Variants in SLC7A9 observed in about 807,000 individuals in gnomAD.
SLC7A9 encodes the protein solute carrier family 7 member 9.
A neutral mutation model predicts 54.1 loss-of-function variants in SLC7A9; 38 were observed. The observed-to-expected ratio is 0.70, with a 90% CI of 0.54 to 0.92. The LOEUF (loss-of-function observed/expected upper bound fraction) is 0.92. SLC7A9 is among the 40% of genes least tolerant of loss of function. SLC7A9 has a pLI of 0.00. For synonymous variants in SLC7A9, 264 were observed against 258.9 expected (o/e 1.02, Z -0.19); for missense variants, 537 against 636.1 (o/e 0.84, Z 1.68).
Position 32,843,388 on chromosome 19 carries a change from C to T in SLC7A9, c.1074+467G>A, listed in dbSNP as rs568714876. On this transcript the variant is annotated intron_variant, in intron 10 of 12. Transcript: ENST00000023064. Reference sequence around the variant, plus strand: ...AGGAGAATCATTTGAACCTGGGAGGCGGAGGATGCAGTGAGCCAAGATCAT... The same window carrying T: ...AGGAGAATCATTTGAACCTGGGAGGTGGAGGATGCAGTGAGCCAAGATCAT... 7.9e-5 allele frequency among the ~76,000 whole-genome samples: 12 copies of T among 152,114 alleles called. No individual in the cohort carries two copies. In the East Asian group the frequency reaches 9.7e-4, roughly 12 times the overall value.
rs1356571584 is a variant in SLC7A9 at position 32,864,696 on chromosome 19, G to A, written c.168C>T (p.Leu56=). ...AGGGCCCCACAGCTTCCGTGTTGCT[G>A]AGCACAGACTTGGGGGAAACGAAGA... ...SGIFVSPKSV[L]SNTEAVGPCL... Residue 56 remains leucine (L), a synonymous_variant, in exon 3 of 13, where the codon CTC becomes CTT. Coordinates refer to ENST00000023064, the MANE Select transcript of SLC7A9 (RefSeq NM_014270.5). 1 of 1,614,058 alleles carries A rather than the reference G, an allele frequency of 6.2e-7. No homozygotes were observed. Among genetic ancestry groups the A allele is most frequent in the Non-Finnish European group, 8.5e-7 (1 of 1,180,052 alleles).
intron 2 of SLC7A9, among the ~76,000 whole-genome samples, chr19:32,865,292 T>G (rs1968935146): frequency 6.6e-6 from 1 of 152,146 alleles, no homozygotes; most frequent in South Asian, 2.1e-4. Flanking sequence ...GCCATTTTCT[T>G]TTATCTTATT....
chr19:32,844,644 A>G (rs1968227628), intron 9 of SLC7A9, among the ~76,000 whole-genome samples: 1 of 152,162 alleles, frequency 6.6e-6, no homozygotes, highest in African/African-American at 2.4e-5. Flanking sequence ...AGTCTGGCCA[A>G]CGTGGTGAAA....
intron 3 of SLC7A9, 51 bp downstream of exon 3, chr19:32,864,578 G>T: frequency 6.2e-7 from 1 of 1,604,784 alleles, no homozygotes; most frequent in Non-Finnish European, 8.5e-7. Flanking sequence ...CAGCTGCCTG[G>T]CGTGCCCCTG....
At chr19:32,847,507 A>G (rs1288696535) in intron 9 of SLC7A9, among the ~76,000 whole-genome samples, 2 of 152,170 alleles carry the variant, frequency 1.3e-5, no homozygotes, top group Non-Finnish European at 2.9e-5. Context: ...AAAGAAATGA[A>G]CAAAGCCTCC....
intron 4 of SLC7A9, 188 bp from the exon 5 acceptor site, chr19:32,862,774 C>G (rs988596589): frequency 2.3e-6 from 1 of 431,962 alleles, no homozygotes; most frequent in South Asian, 4.1e-5. Context: ...CCGGTTCAAG[C>G]AATTCTCCTG....
At chr19:32,850,025 C>T (rs1415975018) in intron 9 of SLC7A9, among the ~76,000 whole-genome samples, 17 of 151,364 alleles carry the variant, frequency 1.1e-4, no homozygotes, top group South Asian at 8.4e-4. Flanking sequence ...ATTGATGGGA[C>T]GTATCTCAAA....
At chr19:32,856,059 G>A (rs1788344623) in intron 9 of SLC7A9, among the ~76,000 whole-genome samples, 1 of 152,158 alleles carries the variant, frequency 6.6e-6, no homozygotes, top group Admixed American at 6.6e-5. Context: ...AGGAAGAGGG[G>A]CCTGGGATGG....
chr19:32,839,066 C>A (rs1968055086), intron 11 of SLC7A9, among the ~76,000 whole-genome samples: 1 of 152,130 alleles, frequency 6.6e-6, no homozygotes, highest in Non-Finnish European at 1.5e-5. Context: ...GGCATACTTT[C>A]CTCAGTTGGC....
chr19:32,858,595 C>T (rs1435740565), intron 8 of SLC7A9, 52 bp from the exon 9 acceptor site: 8 of 1,436,854 alleles, frequency 5.6e-6, no homozygotes, highest in Non-Finnish European at 7.7e-6. Context: ...CCTCCAAGAG[C>T]GGCCGGCCCC....
At chr19:32,852,867 G>A (rs1012258817) in intron 9 of SLC7A9, among the ~76,000 whole-genome samples, 2 of 149,492 alleles carry the variant, frequency 1.3e-5, no homozygotes, top group African/African-American at 2.5e-5. Context: ...ACGTGGGAGC[G>A]TTAGTCCTGC....
chr19:32,844,013 G>A, intron 9 of SLC7A9, 62 bp from the exon 10 acceptor site: 1 of 1,278,692 alleles, frequency 7.8e-7, no homozygotes, highest in Admixed American at 1.7e-5. Context: ...CAGGGCCACT[G>A]AGGACTTGTG....
At chr19:32,835,068 G>A (rs949857582) in intron 11 of SLC7A9, among the ~76,000 whole-genome samples, 2 of 152,204 alleles carry the variant, frequency 1.3e-5, no homozygotes, top group Non-Finnish European at 2.9e-5. Flanking sequence ...GGGATTACAG[G>A]CATGAGCCAA....
At chr19:32,856,252 T>G (rs1046799842) in intron 9 of SLC7A9, among the ~76,000 whole-genome samples, 78 of 151,230 alleles carry the variant, frequency 5.2e-4, no homozygotes, top group Non-Finnish European at 3.7e-4. Context: ...TGGAGTGCAG[T>G]GGCGTGATCT....
chr19:32,852,801 C>T (rs1197949174), intron 9 of SLC7A9, among the ~76,000 whole-genome samples: 1 of 151,890 alleles, frequency 6.6e-6, no homozygotes, highest in South Asian at 2.1e-4. Flanking sequence ...ACTTTTGGAA[C>T]CGGACAAAAT....
chr19:32,858,649 G>A (rs1173701203), intron 8 of SLC7A9, 106 bp from the exon 9 acceptor site: 9 of 804,250 alleles, frequency 1.1e-5, no homozygotes, highest in South Asian at 4.4e-5. Context: ...GACCCACCTC[G>A]CCTCGGGGCA....
At chr19:32,834,363 T>G (rs1967893918) in intron 11 of SLC7A9, among the ~76,000 whole-genome samples, 1 of 152,070 alleles carries the variant, frequency 6.6e-6, no homozygotes, top group South Asian at 2.1e-4. Context: ...GCTGCAGTGG[T>G]TCGCTCCTGT....
chr19:32,847,776 C>A (rs1322419572), intron 9 of SLC7A9, among the ~76,000 whole-genome samples: 2 of 152,168 alleles, frequency 1.3e-5, no homozygotes, highest in East Asian at 3.8e-4. Flanking sequence ...ATGCTAAGGG[C>A]AGCCAGAGAG....
chr19:32,861,959 G>C (rs1484784691), intron 6 of SLC7A9, among the ~76,000 whole-genome samples, 159 bp downstream of exon 6: 1 of 152,158 alleles, frequency 6.6e-6, no homozygotes, highest in Non-Finnish European at 1.5e-5. Flanking sequence ...AAAGGGGAGA[G>C]GTTGTCGCAT....
Sources: gnomAD v4.1 joint callset for allele counts (sites outside exome capture counted in the v4.1 genomes callset) on GRCh38, gnomAD v4.1.1 for gene constraint, MANE v1.5 for transcripts, NCBI Gene and HGNC (gene_info 2026-07-23, HGNC 2026-07-21) for gene names.